LRP12: variants seen among roughly 807,000 people sequenced by gnomAD.
LRP12 encodes low-density lipoprotein receptor-related protein 12.
A neutral mutation model predicts 66.0 loss-of-function variants in LRP12; 14 were observed. The observed-to-expected ratio is 0.21, with a 90% confidence interval of 0.14 to 0.33. The LOEUF (loss-of-function observed/expected upper bound fraction) is 0.33, where lower values mean the gene tolerates loss of function less well. Among genes scored for constraint, LRP12 ranks in the 10% least tolerant of loss-of-function variants. The pLI, the probability that LRP12 is intolerant of heterozygous loss-of-function variation, is 1.00. For missense variants in LRP12, 889 were observed against 1,053.4 expected (o/e 0.84, Z 2.16); for synonymous variants, 357 against 359.1 (o/e 0.99, Z 0.07).
Position 104,490,966 on chromosome 8 carries a change from C to T in LRP12, c.2287G>A (p.Gly763Arg), listed in dbSNP as rs770067256. ...TCATCATCTTCTCTTCCACTTACCC[C>T]ATTATCAAGTTGTCTCAAAGGACTC... Reference protein sequence around the residue: ...NQSPLRQLDNGVSGREDDDDV... With the variant: ...NQSPLRQLDNRVSGREDDDDV... The change falls in exon 7 of 7, where the codon GGG becomes AGG. Residue 763 changes from glycine to arginine, a missense_variant. Gly to Arg is a moderately radical substitution (Grantham distance 125). Transcript: ENST00000276654. 1 of 1,613,944 alleles carries T rather than the reference C, an allele frequency of 6.2e-7. No individual in the cohort carries two copies. Among genetic ancestry groups the T allele is most frequent in the Non-Finnish European group, 8.5e-7 (1 of 1,180,020 alleles).
Position 104,560,506 on chromosome 8 carries a change from A to AT in LRP12, c.79+28312dup, listed in dbSNP as rs560363035. Among the ~76,000 whole-genome samples, 12 of 152,318 alleles carry AT rather than the reference A, an allele frequency of 7.9e-5. No homozygotes were observed. The South Asian group carries it at 2.5e-3, about 32-fold the overall frequency. ...GAGGCAACACTAAAACCTACCATAGATAGTAATGATGGCATGATGATACAG... is the reference window on the plus strand; with the variant it reads ...GAGGCAACACTAAAACCTACCATAGATTAGTAATGATGGCATGATGATACAG... On this transcript the variant is annotated intron_variant, in intron 1 of 6. Coordinates refer to ENST00000276654, the MANE Select transcript of LRP12 (RefSeq NM_013437.5).
At chr8:104,538,074 G>A (rs969309704) in intron 1 of LRP12, among the ~76,000 whole-genome samples, 3 of 152,156 alleles carry the variant, frequency 2.0e-5, no homozygotes, top group Non-Finnish European at 2.9e-5. Context: ...AACAGCTTAG[G>A]TCACATGCCC....
At chr8:104,533,074 T>C (rs757020831) in intron 1 of LRP12, among the ~76,000 whole-genome samples, 9 of 152,126 alleles carry the variant, frequency 5.9e-5, no homozygotes, top group Non-Finnish European at 1.0e-4. Context: ...ACTACAGTTA[T>C]ACCCTTCAAA....
At chr8:104,575,260 CCCAAG>C (rs1340568204) in intron 1 of LRP12, among the ~76,000 whole-genome samples, 2 of 152,168 alleles carry the variant, frequency 1.3e-5, no homozygotes, top group African/African-American at 4.8e-5. Context: ...TGACTAGAGC[CCCAAG>C]CCAACATCAC....
At chr8:104,548,916 C>T (rs1376529846) in intron 1 of LRP12, among the ~76,000 whole-genome samples, 1 of 150,660 alleles carries the variant, frequency 6.6e-6, no homozygotes, top group Admixed American at 6.6e-5. Context: ...CCAGCCTGGA[C>T]AACAAGAGCA....
Position 104,542,606 on chromosome 8 carries a change from C to A in LRP12, c.80-10643G>T, listed in dbSNP as rs529366456. 9.8e-4 allele frequency among the ~76,000 whole-genome samples: 149 copies of A among 152,236 alleles called. 1 individual carries two copies. The highest frequency in any genetic ancestry group is 6.8e-3 in the South Asian group (33 of 4,824). On this transcript the variant is annotated intron_variant, in intron 1 of 6. Coordinates refer to ENST00000276654, the MANE Select transcript of LRP12 (RefSeq NM_013437.5). Reference sequence around the variant, plus strand: ...ACAACACAGGGGTTAGGGGTGCTAACCCTTCTGCACAGTCAAAAATCTGCA... The same window carrying A: ...ACAACACAGGGGTTAGGGGTGCTAAACCTTCTGCACAGTCAAAAATCTGCA...
intron 1 of LRP12, among the ~76,000 whole-genome samples, chr8:104,573,501 G>C (rs1812114533): frequency 6.6e-6 from 1 of 152,000 alleles, no homozygotes; most frequent in Admixed American, 6.6e-5. Context: ...GCGTAAGAAG[G>C]GATCTACTTC....
chr8:104,580,256 C>T (rs1184764651), intron 1 of LRP12, among the ~76,000 whole-genome samples: 1 of 151,850 alleles, frequency 6.6e-6, no homozygotes. Context: ...GTGGCTCACG[C>T]CTGTAATCCC....
intron 1 of LRP12, among the ~76,000 whole-genome samples, chr8:104,554,140 G>C (rs1811768016): frequency 6.6e-6 from 1 of 152,120 alleles, no homozygotes; most frequent in African/African-American, 2.4e-5. Context: ...TTGAGCCCGA[G>C]ATCTTCCCTC....
At chr8:104,578,919 A>T (rs902520633) in intron 1 of LRP12, among the ~76,000 whole-genome samples, 27 of 152,136 alleles carry the variant, frequency 1.8e-4, no homozygotes, top group Non-Finnish European at 4.0e-4. Flanking sequence ...GTATTAAGAA[A>T]TATACCTCAA....
chr8:104,575,901 C>A (rs1188490313), intron 1 of LRP12, among the ~76,000 whole-genome samples: 1 of 152,044 alleles, frequency 6.6e-6, no homozygotes, highest in African/African-American at 2.4e-5. Context: ...AACTGACAGA[C>A]AACAGCCACT....
chr8:104,528,078 A>G (rs79919703), intron 2 of LRP12, among the ~76,000 whole-genome samples: 2,055 of 152,280 alleles, frequency 0.013, 21 homozygotes, highest in Non-Finnish European at 0.023. Flanking sequence ...AATTAAAAAT[A>G]ATATATTATT....
At chr8:104,567,396 A>G (rs1446429656) in intron 1 of LRP12, among the ~76,000 whole-genome samples, 2 of 152,104 alleles carry the variant, frequency 1.3e-5, no homozygotes, top group Admixed American at 6.5e-5. Context: ...ACTCACTATC[A>G]CGAGAATAGC....
chr8:104,566,056 A>T (rs2140890719), intron 1 of LRP12: 1 of 204,976 alleles, frequency 4.9e-6, no homozygotes, highest in East Asian at 1.1e-4. Context: ...TTCAAAAAAA[A>T]TGGCAGGTCA....
At chr8:104,559,718 C>T (rs1588505348) in intron 1 of LRP12, among the ~76,000 whole-genome samples, 1 of 152,028 alleles carries the variant, frequency 6.6e-6, no homozygotes, top group African/African-American at 2.4e-5. Flanking sequence ...TTAGTATCCT[C>T]TTTATGTTAC....
chr8:104,515,092 C>A (rs1165617766), intron 2 of LRP12, among the ~76,000 whole-genome samples: 4 of 152,158 alleles, frequency 2.6e-5, no homozygotes, highest in Admixed American at 6.5e-5. Context: ...AGGGTTGGGA[C>A]ACATACTCAC....
intron 1 of LRP12, among the ~76,000 whole-genome samples, chr8:104,569,046 T>C (rs11997098): frequency 0.018 from 2,722 of 152,190 alleles, 86 homozygotes; most frequent in African/African-American, 0.061. Flanking sequence ...AATGAACAGA[T>C]ACACAAAGTA....
chr8:104,583,958 A>T (rs1170449622), intron 1 of LRP12, among the ~76,000 whole-genome samples: 1 of 152,128 alleles, frequency 6.6e-6, no homozygotes, highest in Non-Finnish European at 1.5e-5. Flanking sequence ...GACAGTAAGA[A>T]TTCCCTAAGC....
chr8:104,548,309 T>TA (rs1564142108), intron 1 of LRP12, among the ~76,000 whole-genome samples: 35 of 41,906 alleles, frequency 8.4e-4, no homozygotes, highest in African/African-American at 4.5e-3. Flanking sequence ...ATAATATATA[T>TA]TATATAAATA....
Sources: allele counts gnomAD v4.1 joint callset (sites outside exome capture counted in the v4.1 genomes callset), GRCh38; gene constraint gnomAD v4.1.1; transcripts MANE v1.5; gene names NCBI Gene and HGNC (gene_info 2026-07-23, HGNC 2026-07-21).